TEX264: variants seen among roughly 807,000 people sequenced by gnomAD.
The protein encoded by TEX264 is testis-expressed protein 264.
A neutral mutation model predicts 23.4 loss-of-function variants in TEX264; 13 were observed. That is an observed-to-expected ratio of 0.56 (90% confidence interval 0.36 to 0.88). The LOEUF is 0.88. Among genes scored for constraint, TEX264 ranks in the 40% least tolerant of loss-of-function variants. TEX264 has a pLI of 0.01. For missense variants in TEX264, 340 were observed against 406.8 expected (o/e 0.84, Z 1.41); for synonymous variants, 159 against 170.0 (o/e 0.94, Z 0.50).
At chr3:51,678,744 G>A (rs1702319250) in intron 2 of TEX264, among the ~76,000 whole-genome samples, 1 of 152,194 alleles carries the variant, frequency 6.6e-6, no homozygotes, top group Admixed American at 6.5e-5. Flanking sequence ...CACAGAGGCT[G>A]GTGAGAGTTC....
chr3:51,681,037 TAGTG>T (rs1367974181), intron 2 of TEX264, among the ~76,000 whole-genome samples: 5 of 152,246 alleles, frequency 3.3e-5, no homozygotes, highest in East Asian at 1.9e-4. Context: ...TGGGGCCACT[TAGTG>T]GGTGGTAGGC....
intron 3 of TEX264, among the ~76,000 whole-genome samples, chr3:51,694,093 T>A (rs139124059): frequency 4.6e-5 from 4 of 86,026 alleles, no homozygotes; most frequent in African/African-American, 1.6e-4. Flanking sequence ...CCGTCCTTCC[T>A]TCCTTCCTTC....
chr3:51,682,378 G>C (rs1232937333), intron 2 of TEX264: 3 of 152,300 alleles, frequency 2.0e-5, no homozygotes, highest in African/African-American at 7.2e-5. Flanking sequence ...TAGACTTATG[G>C]AGGGCAAGAA....
intron 3 of TEX264, among the ~76,000 whole-genome samples, chr3:51,685,868 C>T (rs540710810): frequency 6.6e-6 from 1 of 152,302 alleles, no homozygotes; most frequent in African/African-American, 2.4e-5. Flanking sequence ...TGGAGATTTA[C>T]AATCACTTTT....
chr3:51,690,268 A>G (rs1418425391), intron 3 of TEX264, among the ~76,000 whole-genome samples: 1 of 152,218 alleles, frequency 6.6e-6, no homozygotes, highest in South Asian at 2.1e-4. Context: ...GTGGTGGCTC[A>G]CGCCTGTAAT....
intron 1 of TEX264, chr3:51,671,686 A>G (rs1335801775): frequency 6.5e-6 from 1 of 154,462 alleles, no homozygotes; most frequent in East Asian, 1.9e-4. Flanking sequence ...GGCGAAGAGA[A>G]AGGCTCTGAG....
At chr3:51,701,127 G>A (rs1033784862) in intron 4 of TEX264, among the ~76,000 whole-genome samples, 19 of 152,288 alleles carry the variant, frequency 1.2e-4, no homozygotes, top group African/African-American at 4.3e-4. Context: ...CACTGGCTGT[G>A]GGCAGAGCGA....
chr3:51,674,713 A>G, intron 2 of TEX264, 151 bp downstream of exon 2: 1 of 952,682 alleles, frequency 1.0e-6, no homozygotes, highest in Non-Finnish European at 1.5e-6. Flanking sequence ...AGCACCTTCC[A>G]GATTTAGCCT....
chr3:51,689,416 G>A (rs529176729), intron 3 of TEX264, among the ~76,000 whole-genome samples: 3 of 148,872 alleles, frequency 2.0e-5, no homozygotes, highest in South Asian at 4.3e-4. Context: ...GGTAACAGGA[G>A]TGAAACCCAT....
chr3:51,676,988 G>A (rs1344198857), intron 2 of TEX264, among the ~76,000 whole-genome samples: 1 of 152,150 alleles, frequency 6.6e-6, no homozygotes, highest in Non-Finnish European at 1.5e-5. Context: ...AGGGACACTT[G>A]GGTCCCCATT....
At chr3:51,692,840 C>T (rs1439512621) in intron 3 of TEX264, among the ~76,000 whole-genome samples, 1 of 152,270 alleles carries the variant, frequency 6.6e-6, no homozygotes, top group East Asian at 1.9e-4. Flanking sequence ...ACCCAGTGCT[C>T]TAGCTGAGCT....
At chr3:51,695,953 A>C (rs1703040963) in intron 3 of TEX264, among the ~76,000 whole-genome samples, 1 of 152,080 alleles carries the variant, frequency 6.6e-6, no homozygotes, top group East Asian at 1.9e-4. Flanking sequence ...CCCAGGTGGG[A>C]GGGAAGGCCC....
intron 4 of TEX264, among the ~76,000 whole-genome samples, chr3:51,700,480 A>G (rs919353855): frequency 1.2e-4 from 18 of 152,062 alleles, no homozygotes; most frequent in African/African-American, 4.3e-4. Context: ...CAACACAGTT[A>G]ACTTCATCTG....
At chr3:51,692,889 G>A (rs1362025527) in intron 3 of TEX264, among the ~76,000 whole-genome samples, 3 of 152,258 alleles carry the variant, frequency 2.0e-5, no homozygotes, top group Admixed American at 2.0e-4. Context: ...CCAACCCTCT[G>A]GTCTGGCCAC....
In TEX264 at chr3:51,699,563, T is replaced by G; in HGVS notation, c.638T>G (p.Val213Gly). The change falls in exon 4 of 5, where the codon GTG (valine) becomes GGG (glycine). Residue 213 changes from valine (V) to glycine (G), a missense_variant. Coordinates refer to ENST00000341333, the MANE Select transcript of TEX264 (RefSeq NM_015926.6). The stretch of plus-strand genomic sequence containing the variant: ...CTTGTGGAGGCCATTGACACCCAGG[T>G]GGATGGCACAGGTACAGAAGGTGGG... ...RGLVEAIDTQ[V>G]DGTGADTMSD... 6.2e-7 allele frequency: 1 copy of G among 1,613,808 alleles called. No individual in the cohort carries two copies. Among genetic ancestry groups the G allele is most frequent in the South Asian group, 1.1e-5 (1 of 91,070 alleles).
At chr3:51,687,350 C>G (rs111866767) in intron 3 of TEX264, among the ~76,000 whole-genome samples, 2 of 152,206 alleles carry the variant, frequency 1.3e-5, no homozygotes, top group Non-Finnish European at 2.9e-5. Context: ...GCTCTGTTTG[C>G]TGGTCACAGC....
chr3:51,697,996 G>A (rs921810787), intron 3 of TEX264, among the ~76,000 whole-genome samples: 13 of 152,162 alleles, frequency 8.5e-5, no homozygotes, highest in Non-Finnish European at 4.4e-5. Flanking sequence ...TGAGCACATG[G>A]AGACTTAGGA....
At chr3:51,695,770 T>C (rs1703032835) in intron 3 of TEX264, among the ~76,000 whole-genome samples, 1 of 152,146 alleles carries the variant, frequency 6.6e-6, no homozygotes, top group African/African-American at 2.4e-5. Flanking sequence ...TGGCAGCCTG[T>C]GTGAGGTGGG....
At chr3:51,675,624 G>A (rs1448580371) in intron 2 of TEX264, among the ~76,000 whole-genome samples, 1 of 152,212 alleles carries the variant, frequency 6.6e-6, no homozygotes, top group Non-Finnish European at 1.5e-5. Flanking sequence ...ACAAGACACT[G>A]TGCTTGATGT....
Sources: allele counts gnomAD v4.1 joint callset (sites outside exome capture counted in the v4.1 genomes callset), GRCh38; gene constraint gnomAD v4.1.1; transcripts MANE v1.5; gene names NCBI Gene and HGNC (gene_info 2026-07-23, HGNC 2026-07-21).